Variants in PADI2 observed in about 807,000 individuals in gnomAD.
PADI2 encodes peptidyl arginine deiminase 2.
PADI2 carries 70 observed loss-of-function variants against 81.1 expected under a neutral mutation model. That is an observed-to-expected ratio of 0.86 (90% CI 0.71 to 1.05). The LOEUF (loss-of-function observed/expected upper bound fraction) is 1.05. Among genes scored for constraint, PADI2 ranks in the 50% least tolerant of loss-of-function variants. PADI2 has a pLI of 0.00. For missense variants in PADI2, 853 were observed against 889.9 expected, an observed-to-expected ratio of 0.96 and a Z score of 0.53; for synonymous variants, 338 against 358.0, an observed-to-expected ratio of 0.94 and a Z score of 0.63.
Position 17,092,499 on chromosome 1 carries a change from G to T in PADI2, c.564C>A (p.Thr188=). 6.2e-7 allele frequency: 1 copy of T among 1,605,088 alleles called. No homozygotes were observed. The highest frequency in any genetic ancestry group is 8.5e-7 in the Non-Finnish European group (1 of 1,176,446). The change falls in exon 6 of 16, where the codon ACC becomes ACA. Residue 188 remains threonine (T), a synonymous_variant. Transcript: ENST00000375486. The part of the protein sequence containing the change: ...LKDMSQMILR[T]KGPDRLPAGY... ...CGGCGGGGAGGCGGTCGGGGCCTTT[G>T]GTCCGCAGGATCATCTGGGACATGT... is the stretch of plus-strand genomic sequence containing the variant.
Position 17,067,383 on chromosome 1 carries a change from G to C in PADI2, c.*1661C>G, listed in dbSNP as rs990013627. On this transcript the variant is annotated 3_prime_UTR_variant, in exon 16 of 16. Transcript: ENST00000375486. ...CCAAAGGCAGGAGCTGCTGTCCCCA[G>C]AGAGGAGACAACAGCTTCTGGAGGC... The C allele has an allele frequency of 2.0e-5, 3 of 152,136 alleles. No homozygotes were observed. Among genetic ancestry groups the C allele is most frequent in the Admixed American group, 1.3e-4 (2 of 15,262 alleles). The allele number at this position is 152,136 out of a possible 1,614,324, so 9.4% of individuals were successfully genotyped here.
Position 17,093,736 on chromosome 1 carries a change from C to A in PADI2, c.412-52G>T, listed in dbSNP as rs16862487. On this transcript the variant is annotated intron_variant, in intron 4 of 15. Transcript: ENST00000375486. ...GCCCTCTTCTCTATGCTTGTATAGA[C>A]CCCATGGGACACTGGAGAGATAGCC... The A allele has an allele frequency of 6.8e-3, 7,216 of 1,064,212 alleles. 247 individuals are homozygous for A. In the African/African-American group the frequency reaches 0.082, roughly 12 times the overall value. 65.9% of individuals were successfully genotyped at this position (1,064,212 alleles called of 1,614,324 possible).
rs2078297115 is a variant in PADI2 at position 17,075,730 on chromosome 1, A to C, written c.1404T>G (p.Thr468=). Residue 468 remains threonine, a synonymous_variant, in exon 12 of 16, where the codon ACT becomes ACG. Coordinates refer to ENST00000375486, the MANE Select transcript of PADI2 (RefSeq NM_007365.3). ...APVELYSDWL[T]VGHVDEFMSF... Reference sequence around the variant, plus strand: ...ACATGAACTCATCCACGTGGCCCACAGTCAGCCAGTCTGAGTAGAGCTCCA... The same window carrying C: ...ACATGAACTCATCCACGTGGCCCACCGTCAGCCAGTCTGAGTAGAGCTCCA... The C allele has an allele frequency of 6.2e-7, 1 of 1,614,092 alleles. No individual in the cohort carries two copies. The highest frequency in any genetic ancestry group is 8.5e-7 in the Non-Finnish European group (1 of 1,179,990).
intron 3 of PADI2, 42 bp from the exon 4 acceptor site, chr1:17,096,012 CAGGG>C: frequency 6.9e-7 from 1 of 1,458,914 alleles, no homozygotes; most frequent in Non-Finnish European, 9.5e-7. Context: ...GCCTGCCAGG[CAGGG>C]CAGGGCAGGG....
intron 14 of PADI2, 141 bp from the exon 15 acceptor site, chr1:17,070,357 C>T (rs2078256871): frequency 3.1e-6 from 3 of 968,160 alleles, no homozygotes; most frequent in East Asian, 2.6e-5. Flanking sequence ...GGCGCCTCTG[C>T]AGCCTCTCCC....
At chr1:17,075,498 T>G in intron 12 of PADI2, 181 bp downstream of exon 12, 1 of 525,470 alleles carries the variant, frequency 1.9e-6, no homozygotes. Flanking sequence ...ATGCTAACAT[T>G]TTGGATTTAT....
Position 17,067,024 on chromosome 1 carries a change from G to T in PADI2, c.*2020C>A, listed in dbSNP as rs1356167764. 1.3e-5 allele frequency: 2 copies of T among 151,868 alleles called. No homozygotes were observed. Among genetic ancestry groups the T allele is most frequent in the South Asian group, 2.1e-4 (1 of 4,808 alleles). The allele number at this position is 151,868 out of a possible 1,614,324, so 9.4% of individuals were successfully genotyped here. On this transcript the variant is annotated 3_prime_UTR_variant, in exon 16 of 16. Coordinates refer to ENST00000375486, the MANE Select transcript of PADI2 (RefSeq NM_007365.3). The stretch of plus-strand genomic sequence containing the variant: ...GGGGAAGAGCCATGAGTCCACGGGG[G>T]TATATCCACACCGAGGGTTGTCACA...
At chr1:17,100,021 C>A (rs1931085036) in intron 3 of PADI2, among the ~76,000 whole-genome samples, 1 of 143,642 alleles carries the variant, frequency 7.0e-6, no homozygotes, top group Non-Finnish European at 1.5e-5. Flanking sequence ...AGGGGACAGT[C>A]CCAGCCTCTC....
chr1:17,078,486 G>C (rs10887996), intron 11 of PADI2, among the ~76,000 whole-genome samples: 136,141 of 151,998 alleles, frequency 0.9, 61,122 homozygotes, highest in East Asian at 0.99. Context: ...GCAACCTCTG[G>C]CTCCCAGGTT....
rs148624447 is a variant in PADI2 at position 17,091,318 on chromosome 1, C to T, written c.655+1090G>A. Among the ~76,000 whole-genome samples the T allele has an allele frequency of 4.7e-5, 7 of 149,752 alleles. No individual in the cohort carries two copies. The East Asian group carries it at 7.9e-4, about 17-fold the overall frequency. On this transcript the variant is annotated intron_variant, in intron 6 of 15. Coordinates refer to ENST00000375486, the MANE Select transcript of PADI2 (RefSeq NM_007365.3). ...AGCTGGGCATGCAGAAGCCTCCTCC[C>T]GCCACCCCACGACCCGCCTTGTACC... is the stretch of plus-strand genomic sequence containing the variant.
At position 17,105,048 on chromosome 1, in the gene PADI2, C is replaced by G. The variant is rs143710553; in HGVS notation, c.106G>C (p.Gly36Arg). 271 of 1,579,102 alleles carry G rather than the reference C, an allele frequency of 1.7e-4. No homozygotes were observed. The highest frequency in any genetic ancestry group is 2.3e-4 in the Non-Finnish European group (263 of 1,157,566). Reference protein sequence around the residue: ...WTDVYSAAPAGAQTFSLKHSE... With the variant: ...WTDVYSAAPARAQTFSLKHSE... ...TGCTTCAGGCTGAAGGTTTGGGCCC[C>G]GGCTGGGGCCGCGCTGTGGGGAGAG... is the stretch of plus-strand genomic sequence containing the variant. Residue 36 changes from glycine (G) to arginine (R), a missense_variant, in exon 2 of 16, where the codon GGG (glycine) becomes CGG (arginine). Coordinates refer to ENST00000375486, the MANE Select transcript of PADI2 (RefSeq NM_007365.3).
chr1:17,102,928 G>T, intron 3 of PADI2, 59 bp downstream of exon 3: 1 of 1,313,060 alleles, frequency 7.6e-7, no homozygotes, highest in Non-Finnish European at 1.1e-6. Flanking sequence ...CCCAGAGAAG[G>T]ACAACAGTGC....
At chr1:17,072,329 T>C (rs1448816089) in intron 13 of PADI2, among the ~76,000 whole-genome samples, 1 of 152,230 alleles carries the variant, frequency 6.6e-6, no homozygotes, top group Non-Finnish European at 1.5e-5. Flanking sequence ...GATGTAATCT[T>C]TGAGGCTTAG....
intron 4 of PADI2, among the ~76,000 whole-genome samples, chr1:17,094,948 G>A (rs1930857290): frequency 6.6e-6 from 1 of 152,224 alleles, no homozygotes; most frequent in Non-Finnish European, 1.5e-5. Flanking sequence ...GATCCTAGAA[G>A]AAGGGACTTC....
chr1:17,109,843 T>C (rs1353974633), intron 1 of PADI2, among the ~76,000 whole-genome samples: 1 of 152,164 alleles, frequency 6.6e-6, no homozygotes, highest in Admixed American at 6.5e-5. Context: ...TGCACACAAT[T>C]CTATTTAGGA....
Position 17,091,925 on chromosome 1 carries a change from C to T in PADI2, c.655+483G>A, listed in dbSNP as rs151172369. 2.0e-3 allele frequency among the ~76,000 whole-genome samples: 298 copies of T among 152,280 alleles called. 1 individual carries two copies. The highest frequency in any genetic ancestry group is 6.8e-3 in the African/African-American group (282 of 41,552). ...CAGGGTGAGGCAGAGCCGGCAGCTA[C>T]GAGGACTAGCTCCAGGGCAGGAGCC... On this transcript the variant is annotated intron_variant, in intron 6 of 15. Coordinates refer to ENST00000375486, the MANE Select transcript of PADI2 (RefSeq NM_007365.3).
chr1:17,080,836 C>T (rs2078338929), intron 10 of PADI2, among the ~76,000 whole-genome samples: 1 of 152,198 alleles, frequency 6.6e-6, no homozygotes, highest in African/African-American at 2.4e-5. Flanking sequence ...CTTACAAAAT[C>T]CAGTGGAGTC....
intron 14 of PADI2, among the ~76,000 whole-genome samples, 187 bp downstream of exon 14, chr1:17,071,219 C>T (rs1217824644): frequency 6.6e-6 from 1 of 152,170 alleles, no homozygotes; most frequent in Non-Finnish European, 1.5e-5. Flanking sequence ...AACCCTGGGA[C>T]TTTAGCCCAG....
chr1:17,096,013 A>G, intron 3 of PADI2, 43 bp from the exon 4 acceptor site: 1 of 1,454,544 alleles, frequency 6.9e-7, no homozygotes, highest in Non-Finnish European at 9.5e-7. Context: ...CCTGCCAGGC[A>G]GGGCAGGGCA....
Sources: allele counts gnomAD v4.1 joint callset (sites outside exome capture counted in the v4.1 genomes callset), GRCh38; gene constraint gnomAD v4.1.1; transcripts MANE v1.5; gene names NCBI Gene and HGNC (gene_info 2026-07-23, HGNC 2026-07-21).